FZD2: variants seen among roughly 807,000 people sequenced by gnomAD.
The protein encoded by FZD2 is frizzled-2.
A neutral mutation model predicts 36.7 loss-of-function variants in FZD2; 17 were observed. The observed-to-expected ratio is 0.46, with a 90% CI of 0.32 to 0.70. FZD2 has a LOEUF of 0.70. FZD2 is among the 30% of genes least tolerant of loss of function. FZD2 has a pLI of 0.04. For missense variants in FZD2, 525 were observed against 805.6 expected (o/e 0.65, Z 4.22); for synonymous variants, 333 against 359.6 (o/e 0.93, Z 0.84).
Position 44,558,296 on chromosome 17 carries a change from G to T in FZD2, c.608G>T (p.Arg203Leu). The T allele has an allele frequency of 6.9e-7, 1 of 1,456,242 alleles. No individual in the cohort carries two copies. The highest frequency in any genetic ancestry group is 9.0e-7 in the Non-Finnish European group (1 of 1,110,188). 90.2% of individuals were successfully genotyped at this position (1,456,242 alleles called of 1,614,324 possible). A position where few individuals can be genotyped will look rare whatever the true frequency, so the allele number is the denominator to read the frequency against. ...ATLEHPFHCP[R>L]VLKVPSYLSY... ...CTGGAGCACCCCTTCCACTGCCCGC[G>T]CGTCCTCAAGGTGCCATCCTATCTC... Residue 203 changes from arginine (R) to leucine (L), a missense_variant, in exon 1 of 1, where the codon CGC becomes CTC. Transcript: ENST00000315323. The surrounding 1 kb of genome is among the most constrained non-coding windows in gnomAD (Gnocchi z 9.3).
Position 44,559,517 on chromosome 17 carries a change from AG to A in FZD2, c.*132del. ...TCACTTTTAGGTTGCTTTTTAAAAGAGAACTCTCTGCCCAACACCCCCACAA... is the reference window on the plus strand; with the variant it reads ...TCACTTTTAGGTTGCTTTTTAAAAGAAACTCTCTGCCCAACACCCCCACAA... On this transcript the variant is annotated 3_prime_UTR_variant, in exon 1 of 1. Transcript: ENST00000315323. This position sits in a 1 kb window ranked among gnomAD's most constrained non-coding sequence, Gnocchi z 4.4. 1 of 1,305,698 alleles carries A rather than the reference AG, an allele frequency of 7.7e-7. No homozygotes were observed. Among genetic ancestry groups the A allele is most frequent in the Non-Finnish European group, 1.0e-6 (1 of 996,700 alleles). 80.9% of individuals were successfully genotyped at this position (1,305,698 alleles called of 1,614,324 possible).
Position 44,557,727 on chromosome 17 carries a change from G to A in FZD2, c.39G>A (p.Pro13=), listed in dbSNP as rs1289853371. The A allele has an allele frequency of 5.7e-6, 9 of 1,589,056 alleles. No individual in the cohort carries two copies. The Middle Eastern group carries it at 9.0e-4, about 160-fold the overall frequency. The stretch of plus-strand genomic sequence containing the variant: ...GCGCCCTGCCCCGCCTGCTGCTGCC[G>A]CTGCTGCTGCTGCCCGCCGCCGGGC... ...PRSALPRLLL[P]LLLLPAAGPA... The change falls in exon 1 of 1, where the codon CCG becomes CCA. Residue 13 remains proline, a synonymous_variant. Coordinates refer to ENST00000315323, the MANE Select transcript of FZD2 (RefSeq NM_001466.4). This position sits in a 1 kb window ranked among gnomAD's most constrained non-coding sequence, Gnocchi z 4.9.
rs1036432464 is a variant in FZD2 at position 44,561,016 on chromosome 17, T to G, written c.*1630T>G. ...GGAGTGAGCCACAGTGCCTGGCCTG[T>G]CAAGACTTCTCTTAAGTTAACTTCC... On this transcript the variant is annotated 3_prime_UTR_variant, in exon 1 of 1. Coordinates refer to ENST00000315323, the MANE Select transcript of FZD2 (RefSeq NM_001466.4). Among the ~76,000 whole-genome samples, 4 of 152,222 alleles carry G rather than the reference T, an allele frequency of 2.6e-5. No homozygotes were observed. Among genetic ancestry groups the G allele is most frequent in the Non-Finnish European group, 4.4e-5 (3 of 68,036 alleles).
At position 44,557,590 on chromosome 17, in the gene FZD2, C is replaced by A; in HGVS notation, c.-99C>A. 1.3e-6 allele frequency: 1 copy of A among 759,830 alleles called. No individual in the cohort carries two copies. Among genetic ancestry groups the A allele is most frequent in the South Asian group, 3.3e-5 (1 of 30,564 alleles). The allele number at this position is 759,830 out of a possible 1,614,324, so 47.1% of individuals were successfully genotyped here. On this transcript the variant is annotated 5_prime_UTR_variant, in exon 1 of 1. Coordinates refer to ENST00000315323, the MANE Select transcript of FZD2 (RefSeq NM_001466.4). The surrounding 1 kb of genome is among the most constrained non-coding windows in gnomAD (Gnocchi z 4.9). Reference sequence around the variant, plus strand: ...GTTTGCAAAGAGGCGCGGGAGGCGGCAGCCGCAGCGAGGAGGCGGCGGGGA... The same window carrying A: ...GTTTGCAAAGAGGCGCGGGAGGCGGAAGCCGCAGCGAGGAGGCGGCGGGGA...
rs573618244 is a variant in FZD2, at chr17:44,560,550, A to G, written c.*1164A>G. On this transcript the variant is annotated 3_prime_UTR_variant, in exon 1 of 1. Coordinates refer to ENST00000315323, the MANE Select transcript of FZD2 (RefSeq NM_001466.4). ...ACTGGTTTATTTAAAATTTGTCCAG[A>G]AAAAAATGAAAAAAAAAAAAAAGGT... 2.7e-3 allele frequency among the ~76,000 whole-genome samples: 168 copies of G among 62,958 alleles called. 1 individual carries two copies. The highest frequency in any genetic ancestry group is 6.0e-3 in the Non-Finnish European group (146 of 24,332). 41.3% of individuals were successfully genotyped at this position (62,958 alleles called of 152,430 possible).
In FZD2 at chr17:44,558,599, T is replaced by C; in HGVS notation, c.911T>C (p.Val304Ala). The change falls in exon 1 of 1, where the codon GTG (valine) becomes GCG (alanine). Residue 304 changes from valine to alanine, a missense_variant. Around this residue, in one of 5 missense-constraint regions of FZD2, gnomAD observed 257 missense variants for 344.4 expected, o/e 0.75. Coordinates refer to ENST00000315323, the MANE Select transcript of FZD2 (RefSeq NM_001466.4). The surrounding 1 kb of genome is among the most constrained non-coding windows in gnomAD (Gnocchi z 9.3). ...GCGGGCTTCGTGCTCCAGGAGCGCG[T>C]GGTGTGCAACGAGCGCTTCTCCGAG... ...YIAGFVLQER[V>A]VCNERFSEDG... is the part of the protein sequence containing the mutation. The C allele has an allele frequency of 6.8e-6, 11 of 1,612,818 alleles. No homozygotes were observed. Among genetic ancestry groups the C allele is most frequent in the Non-Finnish European group, 9.3e-6 (11 of 1,179,314 alleles).
Position 44,558,823 on chromosome 17 carries a change from G to A in FZD2, c.1135G>A (p.Val379Met), listed in dbSNP as rs746685961. The change falls in exon 1 of 1, where the codon GTG becomes ATG. Residue 379 changes from valine (V) to methionine (M), a missense_variant. By Grantham distance (21) the Val-to-Met change is conservative. Coordinates refer to ENST00000315323, the MANE Select transcript of FZD2 (RefSeq NM_001466.4). The surrounding 1 kb of genome is among the most constrained non-coding windows in gnomAD (Gnocchi z 9.3). ...GTACTTCCACCTGGCCGCCTGGGCCGTGCCGGCCGTCAAGACCATCACCAT... is the reference window on the plus strand; with the variant it reads ...GTACTTCCACCTGGCCGCCTGGGCCATGCCGGCCGTCAAGACCATCACCAT... Reference protein sequence around the residue: ...SQYFHLAAWAVPAVKTITILA... With the variant: ...SQYFHLAAWAMPAVKTITILA... The A allele has an allele frequency of 2.5e-6, 4 of 1,614,030 alleles. No homozygotes were observed. The highest frequency in any genetic ancestry group is 2.2e-5 in the East Asian group (1 of 44,878).
chr17:44,558,281 C>T lies in FZD2; in HGVS notation c.593C>T (p.Pro198Leu). The change falls in exon 1 of 1, where the codon CCC (proline) becomes CTC (leucine). Residue 198 changes from proline to leucine, a missense_variant. By Grantham distance (98) the Pro-to-Leu change is moderately conservative. Coordinates refer to ENST00000315323, the MANE Select transcript of FZD2 (RefSeq NM_001466.4). This position sits in a 1 kb window ranked among gnomAD's most constrained non-coding sequence, Gnocchi z 9.3. ...APPRYATLEH[P>L]FHCPRVLKVP... ...CCGCGCTACGCCACGCTGGAGCACC[C>T]CTTCCACTGCCCGCGCGTCCTCAAG... 6.9e-7 allele frequency: 1 copy of T among 1,445,238 alleles called. No homozygotes were observed. The highest frequency in any genetic ancestry group is 9.0e-7 in the Non-Finnish European group (1 of 1,105,326). The allele number at this position is 1,445,238 out of a possible 1,614,324, so 89.5% of individuals were successfully genotyped here. A position where few individuals can be genotyped will look rare whatever the true frequency, so the allele number is the denominator to read the frequency against.
chr17:44,558,066 C>T lies in FZD2; in HGVS notation c.378C>T (p.Asn126=), dbSNP rs1293467777. The part of the protein sequence containing the change: ...RARQGCEALM[N]KFGFQWPERL... ...GCCAGGGCTGCGAAGCCCTCATGAA[C>T]AAGTTCGGTTTTCAGTGGCCCGAGC... Residue 126 remains asparagine (N), a synonymous_variant, in exon 1 of 1, where the codon AAC becomes AAT. Coordinates refer to ENST00000315323, the MANE Select transcript of FZD2 (RefSeq NM_001466.4). The surrounding 1 kb of genome is among the most constrained non-coding windows in gnomAD (Gnocchi z 9.3). The T allele has an allele frequency of 6.2e-7, 1 of 1,610,814 alleles. No individual in the cohort carries two copies. Among genetic ancestry groups the T allele is most frequent in the Non-Finnish European group, 8.5e-7 (1 of 1,179,986 alleles).
In FZD2 at chr17:44,560,933, C is replaced by A. The variant is rs1467755916; in HGVS notation, c.*1547C>A. Among the ~76,000 whole-genome samples, 3 of 152,170 alleles carry A rather than the reference C, an allele frequency of 2.0e-5. No individual in the cohort carries two copies. Among genetic ancestry groups the A allele is most frequent in the Non-Finnish European group, 2.9e-5 (2 of 68,028 alleles). ...GTTTCACCATATTGGCCAGGCTGGT[C>A]TCGAACTCCTGACCTCGTTATCTGC... On this transcript the variant is annotated 3_prime_UTR_variant, in exon 1 of 1. Coordinates refer to ENST00000315323, the MANE Select transcript of FZD2 (RefSeq NM_001466.4).
In FZD2 at chr17:44,558,309, G is replaced by A. The variant is rs746845887; in HGVS notation, c.621G>A (p.Val207=). 6.7e-6 allele frequency: 10 copies of A among 1,484,046 alleles called. No homozygotes were observed. Among genetic ancestry groups the A allele is most frequent in the Non-Finnish European group, 8.9e-6 (10 of 1,124,232 alleles). 91.9% of individuals were successfully genotyped at this position (1,484,046 alleles called of 1,614,324 possible). Residue 207 remains valine, a synonymous_variant, in exon 1 of 1, where the codon GTG becomes GTA. Coordinates refer to ENST00000315323, the MANE Select transcript of FZD2 (RefSeq NM_001466.4). This position sits in a 1 kb window ranked among gnomAD's most constrained non-coding sequence, Gnocchi z 9.3. ...HPFHCPRVLK[V]PSYLSYKFLG... Reference sequence around the variant, plus strand: ...TCCACTGCCCGCGCGTCCTCAAGGTGCCATCCTATCTCAGCTACAAGTTTC... The same window carrying A: ...TCCACTGCCCGCGCGTCCTCAAGGTACCATCCTATCTCAGCTACAAGTTTC...
Position 44,560,116 on chromosome 17 carries a change from C to CT in FZD2, c.*733dup, listed in dbSNP as rs1409857086. Among the ~76,000 whole-genome samples the CT allele has an allele frequency of 6.6e-6, 1 of 152,140 alleles. No homozygotes were observed. The highest frequency in any genetic ancestry group is 2.4e-5 in the African/African-American group (1 of 41,426). Reference sequence around the variant, plus strand: ...CCCATTCCCCTGCAGGCTGGAAGATCTTTCTCCTGTCTGGCTTCTCTTCTT... The same window carrying CT: ...CCCATTCCCCTGCAGGCTGGAAGATCTTTTCTCCTGTCTGGCTTCTCTTCTT... On this transcript the variant is annotated 3_prime_UTR_variant, in exon 1 of 1. Transcript: ENST00000315323.
chr17:44,559,575 T>G lies in FZD2; in HGVS notation c.*189T>G. 2 of 572,712 alleles carry G rather than the reference T, an allele frequency of 3.5e-6. No individual in the cohort carries two copies. Among genetic ancestry groups the G allele is most frequent in the Non-Finnish European group, 5.2e-6 (2 of 387,816 alleles). 35.5% of individuals were successfully genotyped at this position (572,712 alleles called of 1,614,324 possible). A position where few individuals can be genotyped will look rare whatever the true frequency, so the allele number is the denominator to read the frequency against. On this transcript the variant is annotated 3_prime_UTR_variant, in exon 1 of 1. Transcript: ENST00000315323. The surrounding 1 kb of genome is among the most constrained non-coding windows in gnomAD (Gnocchi z 4.4). Reference sequence around the variant, plus strand: ...TAATTAAAACTGTAAATAGTCTTTGTAAATTTAATTATATATATTTTCTAT... The same window carrying G: ...TAATTAAAACTGTAAATAGTCTTTGGAAATTTAATTATATATATTTTCTAT...
rs769050190 is a variant in FZD2 at position 44,558,491 on chromosome 17, T to C, written c.803T>C (p.Val268Ala). 7.1e-5 allele frequency: 113 copies of C among 1,582,076 alleles called. No homozygotes were observed. The highest frequency in any genetic ancestry group is 9.4e-5 in the Non-Finnish European group (110 of 1,164,814). Residue 268 changes from valine (V) to alanine (A), a missense_variant, in exon 1 of 1, where the codon GTA becomes GCA. Physicochemically the swap from Val to Ala is moderately conservative, Grantham distance 64. Transcript: ENST00000315323. The surrounding 1 kb of genome is among the most constrained non-coding windows in gnomAD (Gnocchi z 9.3). ...TTCTTCACTGTCACCACGTACTTGG[T>C]AGACATGCAGCGCTTCCGCTACCCA... is the stretch of plus-strand genomic sequence containing the variant. Reference protein sequence around the residue: ...STFFTVTTYLVDMQRFRYPER... With the variant: ...STFFTVTTYLADMQRFRYPER...
Position 44,557,684 on chromosome 17 carries a change from C to T in FZD2, c.-5C>T, listed in dbSNP as rs773542718. On this transcript the variant is annotated 5_prime_UTR_variant, in exon 1 of 1. Transcript: ENST00000315323. This position sits in a 1 kb window ranked among gnomAD's most constrained non-coding sequence, Gnocchi z 4.9. ...CAAGGAGCCGGGTGGGGGGCGGCGGCCAGCATGCGGCCCCGCAGCGCCCTG... is the reference window on the plus strand; with the variant it reads ...CAAGGAGCCGGGTGGGGGGCGGCGGTCAGCATGCGGCCCCGCAGCGCCCTG... The T allele has an allele frequency of 4.4e-5, 57 of 1,283,234 alleles. 1 individual carries two copies. In the African/African-American group the frequency reaches 7.3e-4, roughly 17 times the overall value. 79.5% of individuals were successfully genotyped at this position (1,283,234 alleles called of 1,614,324 possible). A position where few individuals can be genotyped will look rare whatever the true frequency, so the allele number is the denominator to read the frequency against.
chr17:44,558,171 C>A lies in FZD2; in HGVS notation c.483C>A (p.Pro161=). ...VGQNHSEDGA[P]ALLTTAPPPG... ...AGAACCACTCCGAGGACGGAGCTCC[C>A]GCGCTACTCACCACCGCGCCGCCGC... Residue 161 remains proline (P), a synonymous_variant, in exon 1 of 1, where the codon CCC becomes CCA. Transcript: ENST00000315323. This position sits in a 1 kb window ranked among gnomAD's most constrained non-coding sequence, Gnocchi z 9.3. The A allele has an allele frequency of 1.3e-6, 2 of 1,562,516 alleles. No homozygotes were observed. Among genetic ancestry groups the A allele is most frequent in the Non-Finnish European group, 1.7e-6 (2 of 1,155,930 alleles).
chr17:44,558,813 C>T lies in FZD2; in HGVS notation c.1125C>T (p.Ala375=). The change falls in exon 1 of 1, where the codon GCC becomes GCT. Residue 375 remains alanine, a synonymous_variant. Transcript: ENST00000315323. This position sits in a 1 kb window ranked among gnomAD's most constrained non-coding sequence, Gnocchi z 9.3. ...IEANSQYFHL[A]AWAVPAVKTI... is the part of the protein sequence containing the mutation. ...CCAACTCTCAGTACTTCCACCTGGC[C>T]GCCTGGGCCGTGCCGGCCGTCAAGA... 2 of 1,614,156 alleles carry T rather than the reference C, an allele frequency of 1.2e-6. No homozygotes were observed. The highest frequency in any genetic ancestry group is 1.3e-5 in the African/African-American group (1 of 75,082).
At position 44,558,247 on chromosome 17, in the gene FZD2, G is replaced by A. The variant is rs1469955991; in HGVS notation, c.559G>A (p.Gly187Ser). The change falls in exon 1 of 1, where the codon GGC becomes AGC. Residue 187 changes from glycine to serine, a missense_variant. This residue lies in a region of FZD2 where 257 missense variants were observed against 344.4 expected (regional missense o/e 0.75). Coordinates refer to ENST00000315323, the MANE Select transcript of FZD2 (RefSeq NM_001466.4). The surrounding 1 kb of genome is among the most constrained non-coding windows in gnomAD (Gnocchi z 9.3). The part of the protein sequence containing the change: ...GGTPGGPGGG[G>S]APPRYATLEH... ...CACCCCGGGTGGCCCGGGCGGCGGC[G>A]GCGCTCCCCCGCGCTACGCCACGCT... The A allele has an allele frequency of 5.1e-6, 7 of 1,381,178 alleles. No homozygotes were observed. Among genetic ancestry groups the A allele is most frequent in the Non-Finnish European group, 6.5e-6 (7 of 1,071,490 alleles). The allele number at this position is 1,381,178 out of a possible 1,614,324, so 85.6% of individuals were successfully genotyped here. A position where few individuals can be genotyped will look rare whatever the true frequency, so the allele number is the denominator to read the frequency against.
rs1351103469 is a variant in FZD2 at position 44,558,480 on chromosome 17, C to G, written c.792C>G (p.Thr264=). The part of the protein sequence containing the change: ...LCCASTFFTV[T]TYLVDMQRFR... ...GCGCTTCCACCTTCTTCACTGTCAC[C>G]ACGTACTTGGTAGACATGCAGCGCT... is the stretch of plus-strand genomic sequence containing the variant. Residue 264 remains threonine, a synonymous_variant, in exon 1 of 1, where the codon ACC becomes ACG. Transcript: ENST00000315323. The surrounding 1 kb of genome is among the most constrained non-coding windows in gnomAD (Gnocchi z 9.3). 6.3e-7 allele frequency: 1 copy of G among 1,583,730 alleles called. No individual in the cohort carries two copies. Among genetic ancestry groups the G allele is most frequent in the Admixed American group, 1.8e-5 (1 of 55,160 alleles).
Sources: allele counts gnomAD v4.1 joint callset (sites outside exome capture counted in the v4.1 genomes callset), GRCh38; gene constraint gnomAD v4.1.1; regional missense constraint gnomAD v4.1.1; non-coding constraint Gnocchi (gnomAD v3.1); transcripts MANE v1.5; gene names NCBI Gene and HGNC (gene_info 2026-07-23, HGNC 2026-07-21).